The following SATB2 variants were observed in gnomAD, a reference collection of about 807,000 sequenced individuals.
SATB2 encodes the protein SATB homeobox 2.
In SATB2, 1 loss-of-function variant was observed where a neutral mutation model predicts 73.4. That is an observed-to-expected ratio of 0.01 (90% CI 0.00 to 0.06). The LOEUF (loss-of-function observed/expected upper bound fraction) is 0.06. Ranked by LOEUF, SATB2 falls within the 10% of genes least tolerant of loss-of-function variation. SATB2 has a pLI of 1.00. For synonymous variants in SATB2, 397 were observed against 367.0 expected (o/e 1.08, Z -0.93); for missense variants, 459 against 945.8 (o/e 0.49, Z 6.75).
intron 10 of SATB2, among the ~76,000 whole-genome samples, chr2:199,297,748 A>C (rs1687152371): frequency 6.6e-6 from 1 of 152,156 alleles, no homozygotes; most frequent in South Asian, 2.1e-4. Context: ...GGACAGCAGA[A>C]GTCTCAGAGA....
At chr2:199,443,379 C>G (rs1691875185) in intron 2 of SATB2, among the ~76,000 whole-genome samples, 1 of 151,938 alleles carries the variant, frequency 6.6e-6, no homozygotes, top group African/African-American at 2.4e-5. Context: ...ACCCAGATTT[C>G]TAGTGGGAAT....
chr2:199,356,328 G>GT (rs781280646), intron 6 of SATB2, among the ~76,000 whole-genome samples: 1 of 130,992 alleles, frequency 7.6e-6, no homozygotes, highest in Non-Finnish European at 1.7e-5. Context: ...TTCTACAAAT[G>GT]TAAAAAAGGA....
intron 6 of SATB2, among the ~76,000 whole-genome samples, chr2:199,350,883 C>T (rs986704320): frequency 6.6e-6 from 1 of 151,806 alleles, no homozygotes; most frequent in East Asian, 2.0e-4. Context: ...ATTAGCCAGG[C>T]ATGGTGGCAT....
chr2:199,308,702 G>C lies in SATB2; in HGVS notation c.1740+58C>G, dbSNP rs1430608117. The C allele has an allele frequency of 6.8e-7, 1 of 1,471,544 alleles. No homozygotes were observed. Among genetic ancestry groups the C allele is most frequent in the Non-Finnish European group, 9.5e-7 (1 of 1,053,754 alleles). 91.2% of individuals were successfully genotyped at this position (1,471,544 alleles called of 1,614,324 possible). ...GTGTGTGCCACTTGGACCCTCAGCA[G>C]CTACTGCTGGCACACAGAGCCCTGA... On this transcript the variant is annotated intron_variant, in intron 10 of 10. Coordinates refer to ENST00000417098, the MANE Select transcript of SATB2 (RefSeq NM_001172509.2). This position sits in a 1 kb window ranked among gnomAD's most constrained non-coding sequence, Gnocchi z 4.6.
At chr2:199,352,326 T>A (rs1445337240) in intron 6 of SATB2, among the ~76,000 whole-genome samples, 2 of 152,230 alleles carry the variant, frequency 1.3e-5, no homozygotes, top group Admixed American at 1.3e-4. Flanking sequence ...TATATCTAAA[T>A]CATATAATTT....
At chr2:199,309,502 T>G (rs1278311755) in intron 9 of SATB2, among the ~76,000 whole-genome samples, 1 of 152,240 alleles carries the variant, frequency 6.6e-6, no homozygotes, top group African/African-American at 2.4e-5. Context: ...GCTCAATCTC[T>G]GAATACCTCG....
chr2:199,352,922 C>G (rs1688860390), intron 6 of SATB2, among the ~76,000 whole-genome samples: 1 of 152,028 alleles, frequency 6.6e-6, no homozygotes, highest in African/African-American at 2.4e-5. Context: ...TGCCCATAGG[C>G]TACCAGTTTT....
At chr2:199,319,697 A>C (rs997391584) in intron 9 of SATB2, among the ~76,000 whole-genome samples, 2 of 152,034 alleles carry the variant, frequency 1.3e-5, no homozygotes, top group South Asian at 4.1e-4. Context: ...AAACAATCAC[A>C]TATGTAGTGT....
intron 2 of SATB2, among the ~76,000 whole-genome samples, chr2:199,453,454 T>C (rs1692187597): frequency 6.6e-6 from 1 of 152,024 alleles, no homozygotes; most frequent in Admixed American, 6.6e-5. Flanking sequence ...ATTATATTGC[T>C]TTATAAAGAA....
intron 3 of SATB2, among the ~76,000 whole-genome samples, chr2:199,415,339 T>C (rs905160405): frequency 2.0e-5 from 3 of 152,206 alleles, no homozygotes; most frequent in Admixed American, 1.3e-4. Context: ...TTGTACACAA[T>C]TAATTGAAAT....
chr2:199,394,359 G>C (rs1690237807), intron 3 of SATB2, among the ~76,000 whole-genome samples: 1 of 152,118 alleles, frequency 6.6e-6, no homozygotes, highest in Non-Finnish European at 1.5e-5. Flanking sequence ...AGGAATCACT[G>C]ATATATGAAG....
At chr2:199,327,636 C>T (rs988731233) in intron 8 of SATB2, among the ~76,000 whole-genome samples, 1 of 152,080 alleles carries the variant, frequency 6.6e-6, no homozygotes, top group African/African-American at 2.4e-5. Flanking sequence ...TGACCCCTGA[C>T]TGCCTTGAGA....
intron 9 of SATB2, among the ~76,000 whole-genome samples, chr2:199,312,356 G>A (rs1687619660): frequency 6.6e-6 from 1 of 152,138 alleles, no homozygotes; most frequent in Non-Finnish European, 1.5e-5. Context: ...TCTTAGCCTG[G>A]TTTTAAGTTT....
intron 10 of SATB2, among the ~76,000 whole-genome samples, chr2:199,295,760 C>A (rs1226354260): frequency 1.3e-5 from 2 of 152,040 alleles, no homozygotes; most frequent in Non-Finnish European, 2.9e-5. Flanking sequence ...TATTCTATAT[C>A]AAAAGGTGAA....
In SATB2 at chr2:199,323,508, C is replaced by CACACACACACACAT. The variant is rs372830951; in HGVS notation, c.1542+294_1542+295insATGTGTGTGTGTGT. On this transcript the variant is annotated intron_variant, in intron 9 of 10. Coordinates refer to ENST00000417098, the MANE Select transcript of SATB2 (RefSeq NM_001172509.2). ...ACACACACACACACACACACACACACATATATAAAGGGAGAGAAACAAAAG... is the reference window on the plus strand; with the variant it reads ...ACACACACACACACACACACACACACACACACACACACATATATATAAAGGGAGAGAAACAAAAG... 1.0e-3 allele frequency among the ~76,000 whole-genome samples: 150 copies of CACACACACACACAT among 144,350 alleles called. 1 individual carries two copies. Among genetic ancestry groups the CACACACACACACAT allele is most frequent in the East Asian group, 9.3e-3 (44 of 4,728 alleles). The allele number at this position is 144,350 out of a possible 152,430, so 94.7% of individuals were successfully genotyped here.
At chr2:199,287,232 AAC>A (rs1228071559) in intron 10 of SATB2, among the ~76,000 whole-genome samples, 4 of 152,212 alleles carry the variant, frequency 2.6e-5, no homozygotes, top group Non-Finnish European at 5.9e-5. Flanking sequence ...CTTGTTTTAA[AAC>A]AGATTCAAGG....
intron 2 of SATB2, among the ~76,000 whole-genome samples, chr2:199,448,740 C>A (rs1692037626): frequency 3.3e-5 from 5 of 152,016 alleles, no homozygotes; most frequent in Admixed American, 1.3e-4. Flanking sequence ...CACCAGTTAC[C>A]CTGGTTTGAA....
intron 10 of SATB2, among the ~76,000 whole-genome samples, chr2:199,282,544 C>T (rs1692557696): frequency 6.6e-6 from 1 of 152,126 alleles, no homozygotes; most frequent in East Asian, 1.9e-4. Context: ...AGCCACAGTG[C>T]TTGTTAATCT....
chr2:199,455,917 T>C lies in SATB2; in HGVS notation c.121A>G (p.Met41Val), dbSNP rs919635073. Reference protein sequence around the residue: ...VARLEQNGSPMGARGRPNGAV... With the variant: ...VARLEQNGSPVGARGRPNGAV... Reference sequence around the variant, plus strand: ...CCGTTGGGCCTCCCGCGGGCTCCCATGGGGCTGCCGTTCTGCTCCAGCCGG... The same window carrying C: ...CCGTTGGGCCTCCCGCGGGCTCCCACGGGGCTGCCGTTCTGCTCCAGCCGG... The change falls in exon 2 of 11, where the codon ATG (methionine) becomes GTG (valine). Residue 41 changes from methionine (M) to valine (V), a missense_variant. Physicochemically the swap from Met to Val is conservative, Grantham distance 21. Transcript: ENST00000417098. The surrounding 1 kb of genome is among the most constrained non-coding windows in gnomAD (Gnocchi z 4.1). 37 of 1,538,160 alleles carry C rather than the reference T, an allele frequency of 2.4e-5. No individual in the cohort carries two copies. The highest frequency in any genetic ancestry group is 3.9e-5 in the Admixed American group (2 of 51,348).
Sources: allele counts gnomAD v4.1 joint callset (sites outside exome capture counted in the v4.1 genomes callset), GRCh38; gene constraint gnomAD v4.1.1; non-coding constraint Gnocchi (gnomAD v3.1); transcripts MANE v1.5; gene names NCBI Gene and HGNC (gene_info 2026-07-23, HGNC 2026-07-21).